Variants in PAQR8 observed in about 807,000 individuals in gnomAD.
PAQR8 encodes the protein progestin and adipoQ receptor family member 8, also known as membrane progestin receptor beta.
In PAQR8, 17 loss-of-function variants were observed where a neutral mutation model predicts 25.2. The observed-to-expected ratio is 0.67, with a 90% CI of 0.46 to 1.01. The LOEUF (loss-of-function observed/expected upper bound fraction) is 1.01. PAQR8 is among the 50% of genes least tolerant of loss of function. The pLI is 0.00. For synonymous variants in PAQR8, 204 were observed against 190.6 expected, an observed-to-expected ratio of 1.07 and a Z score of -0.58; for missense variants, 392 against 448.4, an observed-to-expected ratio of 0.87 and a Z score of 1.14.
At chr6:52,372,015 A>G (rs1182916027) in intron 1 of PAQR8, among the ~76,000 whole-genome samples, 4 of 152,312 alleles carry the variant, frequency 2.6e-5, no homozygotes, top group South Asian at 2.1e-4. Flanking sequence ...TCAGCACTCT[A>G]TCTAAGAAAT....
At chr6:52,372,191 G>A (rs1412968598) in intron 1 of PAQR8, among the ~76,000 whole-genome samples, 1 of 152,200 alleles carries the variant, frequency 6.6e-6, no homozygotes, top group Non-Finnish European at 1.5e-5. Flanking sequence ...ACTTGGAAAT[G>A]CTTAGCTTTT....
intron 1 of PAQR8, among the ~76,000 whole-genome samples, chr6:52,398,552 C>A (rs1407295675): frequency 1.4e-5 from 1 of 71,572 alleles, no homozygotes; most frequent in East Asian, 2.6e-4. Context: ...AAATTTAAGT[C>A]CTTTCTTGTT....
rs1322830780 is a variant in PAQR8, at chr6:52,403,119, G to A, written c.-52-43G>A. On this transcript the variant is annotated intron_variant, in intron 1 of 1. Transcript: ENST00000442253. The stretch of plus-strand genomic sequence containing the variant: ...TTCCTTGTCCGTCTTAGCTGCATTC[G>A]TGTCTCACTGCGGCTTTGCCAATTT... 60 of 1,003,710 alleles carry A rather than the reference G, an allele frequency of 6.0e-5. No individual in the cohort carries two copies. The Admixed American group carries it at 1.6e-3, about 26-fold the overall frequency. The allele number at this position is 1,003,710 out of a possible 1,614,324, so 62.2% of individuals were successfully genotyped here.
At chr6:52,385,216 A>G (rs913739220) in intron 1 of PAQR8, among the ~76,000 whole-genome samples, 1 of 151,760 alleles carries the variant, frequency 6.6e-6, no homozygotes, top group African/African-American at 2.4e-5. Context: ...ATTAGGGGAA[A>G]CCCCTTTCAC....
rs1763881227 is a variant in PAQR8, at chr6:52,404,246, G to A, written c.1033G>A (p.Val345Ile). 1 of 1,610,298 alleles carries A rather than the reference G, an allele frequency of 6.2e-7. No individual in the cohort carries two copies. The highest frequency in any genetic ancestry group is 1.3e-5 in the African/African-American group (1 of 74,996). ...CACCGCAGCCCTTCTGAGGCACAAA[G>A]TCAAGGCCAGACTGACCAAGAAAGA... ...AATAALLRHK[V>I]KARLTKKDS Residue 345 changes from valine to isoleucine, a missense_variant, in exon 2 of 2, where the codon GTC becomes ATC. Physicochemically the swap from Val to Ile is conservative, Grantham distance 29 (BLOSUM62 3). Transcript: ENST00000442253.
At chr6:52,382,648 T>G (rs1763574841) in intron 1 of PAQR8, among the ~76,000 whole-genome samples, 1 of 152,232 alleles carries the variant, frequency 6.6e-6, no homozygotes, top group African/African-American at 2.4e-5. Context: ...TCATGTGGTT[T>G]TATTGTATCA....
chr6:52,383,675 A>C (rs898551065), intron 1 of PAQR8, among the ~76,000 whole-genome samples: 1 of 151,888 alleles, frequency 6.6e-6, no homozygotes, highest in East Asian at 1.9e-4. Context: ...AAAAAAAAAA[A>C]AACCAGGAAT....
At position 52,362,456 on chromosome 6, in the gene PAQR8, A is replaced by C. The variant is rs1234376000; in HGVS notation, c.-53+207A>C. ...GCCGGAGTTTAGGGCCCCGATGTTG[A>C]GTCTCCGAATCCAAGCCCGGAAGGG... is the stretch of plus-strand genomic sequence containing the variant. On this transcript the variant is annotated intron_variant, in intron 1 of 1. Transcript: ENST00000442253. This position sits in a 1 kb window ranked among gnomAD's most constrained non-coding sequence, Gnocchi z 4.1. 1 of 152,598 alleles carries C rather than the reference A, an allele frequency of 6.6e-6. No individual in the cohort carries two copies. Among genetic ancestry groups the C allele is most frequent in the Admixed American group, 6.5e-5 (1 of 15,292 alleles). The allele number at this position is 152,598 out of a possible 1,614,324, so 9.5% of individuals were successfully genotyped here.
chr6:52,387,792 G>A (rs1396400694), intron 1 of PAQR8, among the ~76,000 whole-genome samples: 1 of 152,246 alleles, frequency 6.6e-6, no homozygotes, highest in Non-Finnish European at 1.5e-5. Flanking sequence ...AGTAAGCAAA[G>A]CTTCATCAGT....
intron 1 of PAQR8, among the ~76,000 whole-genome samples, chr6:52,395,142 C>T (rs1196369924): frequency 1.3e-5 from 2 of 151,888 alleles, no homozygotes; most frequent in East Asian, 3.9e-4. Context: ...GTGGCATGCA[C>T]CTGCAGTTTA....
At chr6:52,393,941 C>T (rs1763739092) in intron 1 of PAQR8, among the ~76,000 whole-genome samples, 1 of 152,070 alleles carries the variant, frequency 6.6e-6, no homozygotes, top group Admixed American at 6.5e-5. Flanking sequence ...TGTGGGCATT[C>T]CAGGCATGCA....
intron 1 of PAQR8, among the ~76,000 whole-genome samples, chr6:52,402,477 C>T (rs1222335932): frequency 1.5e-5 from 2 of 132,856 alleles, no homozygotes; most frequent in South Asian, 2.4e-4. Flanking sequence ...ATTAGCCAGG[C>T]GTGGTGGCAC....
intron 1 of PAQR8, among the ~76,000 whole-genome samples, chr6:52,397,143 G>C (rs930515194): frequency 6.6e-6 from 1 of 152,162 alleles, no homozygotes; most frequent in African/African-American, 2.4e-5. Context: ...GCTCAGGAGA[G>C]ATAAGCATTA....
intron 1 of PAQR8, among the ~76,000 whole-genome samples, chr6:52,402,549 G>A (rs1264467538): frequency 6.6e-6 from 1 of 151,304 alleles, no homozygotes; most frequent in African/African-American, 2.4e-5. Flanking sequence ...CCCGGGAGGC[G>A]GAGGTTGTGG....
chr6:52,398,235 T>C (rs1763790898), intron 1 of PAQR8, among the ~76,000 whole-genome samples: 1 of 150,562 alleles, frequency 6.6e-6, no homozygotes, highest in African/African-American at 2.4e-5. Flanking sequence ...AGGCAGAGTT[T>C]CACTCTTGTT....
intron 1 of PAQR8, among the ~76,000 whole-genome samples, chr6:52,365,169 C>T (rs1763337622): frequency 6.6e-6 from 1 of 152,016 alleles, no homozygotes; most frequent in Non-Finnish European, 1.5e-5. Context: ...CCATTTGCCC[C>T]AGCTGTAGGT....
Position 52,404,287 on chromosome 6 carries a change from A to C in PAQR8, c.*9A>C. The stretch of plus-strand genomic sequence containing the variant: ...CCAAGAAAGATTCCTGAGGCTGGCA[A>C]GTGGGGCAACGTGTGGAGGAAGCCC... On this transcript the variant is annotated 3_prime_UTR_variant, in exon 2 of 2. Coordinates refer to ENST00000442253, the MANE Select transcript of PAQR8 (RefSeq NM_133367.5). The C allele has an allele frequency of 6.3e-7, 1 of 1,575,334 alleles. No individual in the cohort carries two copies. Among genetic ancestry groups the C allele is most frequent in the South Asian group, 1.1e-5 (1 of 88,246 alleles).
At chr6:52,392,882 G>A (rs908295877) in intron 1 of PAQR8, among the ~76,000 whole-genome samples, 1 of 152,162 alleles carries the variant, frequency 6.6e-6, no homozygotes, top group African/African-American at 2.4e-5. Context: ...ATTCTCTTAG[G>A]GAGTATTGGA....
At chr6:52,390,089 C>T (rs1201454714) in intron 1 of PAQR8, among the ~76,000 whole-genome samples, 1 of 152,214 alleles carries the variant, frequency 6.6e-6, no homozygotes, top group Non-Finnish European at 1.5e-5. Flanking sequence ...GATCTTCACA[C>T]CTGAACTGTT....
Sources: allele counts gnomAD v4.1 joint callset (sites outside exome capture counted in the v4.1 genomes callset), GRCh38; gene constraint gnomAD v4.1.1; non-coding constraint Gnocchi (gnomAD v3.1); transcripts MANE v1.5; gene names NCBI Gene and HGNC (gene_info 2026-07-23, HGNC 2026-07-21).